Variants in TAB2 observed in about 807,000 individuals in gnomAD.
The protein encoded by TAB2 is TGF-beta-activated kinase 1 and MAP3K7-binding protein 2.
A neutral mutation model predicts 65.0 loss-of-function variants in TAB2; 3 were observed. The observed-to-expected ratio is 0.05, with a 90% confidence interval of 0.02 to 0.12. The LOEUF (loss-of-function observed/expected upper bound fraction) is 0.12. TAB2 is among the 10% of genes least tolerant of loss of function. The pLI is 1.00. For missense variants in TAB2, 623 were observed against 840.3 expected (o/e 0.74, Z 3.20); for synonymous variants, 298 against 285.1 (o/e 1.05, Z -0.46).
intron 1 of TAB2, among the ~76,000 whole-genome samples, chr6:149,322,975 G>T (rs917192128): frequency 6.6e-6 from 1 of 152,136 alleles, no homozygotes; most frequent in Non-Finnish European, 1.5e-5. Context: ...GGAAGATCAC[G>T]AAACAGCACC....
At chr6:149,326,215 A>G (rs1178776245) in intron 1 of TAB2, among the ~76,000 whole-genome samples, 1 of 151,204 alleles carries the variant, frequency 6.6e-6, no homozygotes, top group Non-Finnish European at 1.5e-5. Flanking sequence ...ACACTGGTTT[A>G]CTCAGTAGAT....
chr6:149,389,701 T>C (rs1390668572), intron 3 of TAB2, among the ~76,000 whole-genome samples: 2 of 150,970 alleles, frequency 1.3e-5, no homozygotes, highest in Non-Finnish European at 3.0e-5. Context: ...CACTCCCACG[T>C]CGCATAATGA....
chr6:149,378,736 A>G lies in TAB2; in HGVS notation c.821A>G (p.Asn274Ser), dbSNP rs1296101632. 5 of 1,613,962 alleles carry G rather than the reference A, an allele frequency of 3.1e-6. No individual in the cohort carries two copies. The African/African-American group carries it at 6.7e-5, about 22-fold the overall frequency. The change falls in exon 3 of 7, where the codon AAT (asparagine) becomes AGT (serine). Residue 274 changes from asparagine to serine, a missense_variant. Asn to Ser is a conservative substitution (Grantham distance 46, BLOSUM62 1). This residue lies in a region of TAB2 where 550 missense variants were observed against 665.7 expected (regional missense o/e 0.83). Coordinates refer to ENST00000637181, the MANE Select transcript of TAB2 (RefSeq NM_001292034.3). ...TCACATACCTCATCTCAACAGCCAAATCAGCAAGGCCACCAGACCTCTCAT... is the reference window on the plus strand; with the variant it reads ...TCACATACCTCATCTCAACAGCCAAGTCAGCAAGGCCACCAGACCTCTCAT... ...PLSHTSSQQP[N>S]QQGHQTSHVY...
chr6:149,379,277 A>G lies in TAB2; in HGVS notation c.1362A>G (p.Val454=), dbSNP rs764202058. 4 of 1,614,194 alleles carry G rather than the reference A, an allele frequency of 2.5e-6. No homozygotes were observed. Among genetic ancestry groups the G allele is most frequent in the Admixed American group, 3.3e-5 (2 of 60,024 alleles). ...ACTCTGCAACCTCTCCTCGAGTGGT[A>G]GTCACTCAGCCCAATACGAAATACA... is the stretch of plus-strand genomic sequence containing the variant. The part of the protein sequence containing the change: ...GNNSATSPRV[V]VTQPNTKYTF... The change falls in exon 3 of 7, where the codon GTA becomes GTG. Residue 454 remains valine (V), a synonymous_variant. Transcript: ENST00000637181.
chr6:149,339,601 AT>A (rs199531336), intron 1 of TAB2, among the ~76,000 whole-genome samples: 1 of 25,454 alleles, frequency 3.9e-5, no homozygotes. Context: ...TTATTTATTT[AT>A]TTATTTTTTT....
chr6:149,299,874 G>A (rs1159012997), intron 1 of TAB2, among the ~76,000 whole-genome samples: 3 of 151,784 alleles, frequency 2.0e-5, no homozygotes, highest in Non-Finnish European at 2.9e-5. Context: ...CCGGCATGGC[G>A]GTTCGTACCT....
intron 1 of TAB2, among the ~76,000 whole-genome samples, chr6:149,272,159 T>C (rs1014142430): frequency 6.6e-6 from 1 of 152,128 alleles, no homozygotes; most frequent in Non-Finnish European, 1.5e-5. Flanking sequence ...TGAACAAGGC[T>C]CAAGAAAACC....
At chr6:149,341,402 C>T (rs189947311) in intron 1 of TAB2, among the ~76,000 whole-genome samples, 1 of 152,206 alleles carries the variant, frequency 6.6e-6, no homozygotes, top group African/African-American at 2.4e-5. Flanking sequence ...AAAATGAAAA[C>T]TTAAGTATAC....
intron 1 of TAB2, among the ~76,000 whole-genome samples, chr6:149,268,640 A>C (rs1247285683): frequency 6.6e-6 from 1 of 152,220 alleles, no homozygotes; most frequent in African/African-American, 2.4e-5. Context: ...GTCTTTGCAT[A>C]CATGGAGAAC....
chr6:149,291,586 T>G (rs1321708158), intron 1 of TAB2: 1 of 152,384 alleles, frequency 6.6e-6, no homozygotes, highest in African/African-American at 2.4e-5. Flanking sequence ...CCGGCCTGGG[T>G]GCAGTGGCTC....
At chr6:149,358,640 C>CTGTGTGTGTGTGTGTGTGTGTGTGTGTG (rs370116039) in intron 1 of TAB2, among the ~76,000 whole-genome samples, 2,773 of 121,580 alleles carry the variant, frequency 0.023, 111 homozygotes, top group East Asian at 0.095. Context: ...CTTCAGAACT[C>CTGTGTGTGTGTGTGTGTGTGTGTGTGTG]TGTGTGTGTG....
At chr6:149,227,724 C>T (rs141889290) in intron 1 of TAB2, among the ~76,000 whole-genome samples, 13 of 152,268 alleles carry the variant, frequency 8.5e-5, no homozygotes, top group African/African-American at 2.6e-4. Flanking sequence ...AGAAGAGCTG[C>T]TAACATGCTG....
At chr6:149,281,445 C>G (rs1294886286) in intron 1 of TAB2, among the ~76,000 whole-genome samples, 3 of 147,974 alleles carry the variant, frequency 2.0e-5, no homozygotes, top group Non-Finnish European at 4.5e-5. Context: ...AATTCCATTG[C>G]TGGGTGCAGT....
At chr6:149,240,877 T>C (rs6570954) in intron 1 of TAB2, among the ~76,000 whole-genome samples, 49,037 of 151,834 alleles carry the variant, frequency 0.32, 7,941 homozygotes, top group Admixed American at 0.4. Context: ...GCCCCTCCCC[T>C]AAATGCATAT....
chr6:149,356,849 GA>G (rs1190436128), intron 1 of TAB2, among the ~76,000 whole-genome samples: 1 of 152,132 alleles, frequency 6.6e-6, no homozygotes, highest in East Asian at 1.9e-4. Context: ...TGTTTGGTTT[GA>G]AATGAATTCC....
At chr6:149,344,043 T>A (rs956444121) in intron 1 of TAB2, among the ~76,000 whole-genome samples, 1 of 152,216 alleles carries the variant, frequency 6.6e-6, no homozygotes, top group Admixed American at 6.5e-5. Context: ...GCATAATGAA[T>A]TTAATGTCTG....
At chr6:149,258,133 G>A (rs914104588) in intron 1 of TAB2, among the ~76,000 whole-genome samples, 1 of 152,140 alleles carries the variant, frequency 6.6e-6, no homozygotes, top group African/African-American at 2.4e-5. Context: ...TAGAGAGTCT[G>A]GGGATCCCAC....
intron 1 of TAB2, among the ~76,000 whole-genome samples, chr6:149,319,661 T>C (rs756757729): frequency 2.2e-4 from 33 of 152,258 alleles, no homozygotes; most frequent in African/African-American, 4.8e-5. Flanking sequence ...CAGTTTCTAA[T>C]AGAGGGTGCT....
intron 1 of TAB2, among the ~76,000 whole-genome samples, chr6:149,354,608 G>GT (rs1780597326): frequency 6.6e-6 from 1 of 151,974 alleles, no homozygotes; most frequent in Non-Finnish European, 1.5e-5. Flanking sequence ...CCTTAATTGC[G>GT]TTCCCTAGAG....
Sources: gnomAD v4.1 joint callset for allele counts (sites outside exome capture counted in the v4.1 genomes callset) on GRCh38, gnomAD v4.1.1 for gene constraint, gnomAD v4.1.1 regional missense constraint, MANE v1.5 for transcripts, NCBI Gene and HGNC (gene_info 2026-07-23, HGNC 2026-07-21) for gene names.